MARCHF8: variants seen among roughly 807,000 people sequenced by gnomAD.
MARCHF8 encodes the protein membrane associated ring-CH-type finger 8, also known as E3 ubiquitin-protein ligase MARCHF8.
In MARCHF8, 40 loss-of-function variants were observed where a neutral mutation model predicts 51.6. The observed-to-expected ratio is 0.77, with a 90% confidence interval of 0.60 to 1.01. The LOEUF is 1.01. MARCHF8 is among the 50% of genes least tolerant of loss of function. MARCHF8 has a pLI of 0.00. For synonymous variants in MARCHF8, 263 were observed against 280.3 expected, an observed-to-expected ratio of 0.94 and a Z score of 0.62; for missense variants, 685 against 708.6, an observed-to-expected ratio of 0.97 and a Z score of 0.38.
At chr10:45,464,749 T>C (rs758453391) in intron 3 of MARCHF8, among the ~76,000 whole-genome samples, 1 of 152,128 alleles carries the variant, frequency 6.6e-6, no homozygotes, top group African/African-American at 2.4e-5. Flanking sequence ...GGCTGGTAGA[T>C]TTAAGAGCTC....
In MARCHF8 at chr10:45,542,345, CAAAAAAAA is replaced by C. The variant is rs60776762; in HGVS notation, c.-78-9064_-78-9057del. On this transcript the variant is annotated intron_variant, in intron 1 of 6. Transcript: ENST00000319836. ...CTGGTGACAGAGCAGGACTTCGTCT[CAAAAAAAA>C]AAAAAAAAAAAAAAAAAAGACTTGA... Among the ~76,000 whole-genome samples the C allele has an allele frequency of 8.8e-3, 432 of 48,998 alleles. 3 individuals carry two copies. The highest frequency in any genetic ancestry group is 0.029 in the African/African-American group (398 of 13,874). The allele number at this position is 48,998 out of a possible 152,430, so 32.1% of individuals were successfully genotyped here.
intron 5 of MARCHF8, among the ~76,000 whole-genome samples, chr10:45,462,701 C>T (rs1382391089): frequency 6.6e-6 from 1 of 151,764 alleles, no homozygotes; most frequent in African/African-American, 2.4e-5. Context: ...TCTTGGCTCA[C>T]TGCAACCTCC....
At chr10:45,501,331 C>A (rs1292458414) in intron 2 of MARCHF8, among the ~76,000 whole-genome samples, 3 of 152,054 alleles carry the variant, frequency 2.0e-5, no homozygotes, top group Non-Finnish European at 4.4e-5. Flanking sequence ...AAGAACCAGA[C>A]ATAACCATCA....
At chr10:45,471,168 A>T (rs933740967) in intron 3 of MARCHF8, among the ~76,000 whole-genome samples, 2 of 152,270 alleles carry the variant, frequency 1.3e-5, no homozygotes, top group Non-Finnish European at 2.9e-5. Flanking sequence ...GACTCTCATT[A>T]GCATTGCTTA....
chr10:45,550,868 G>T (rs1374161348), intron 1 of MARCHF8, among the ~76,000 whole-genome samples: 1 of 152,144 alleles, frequency 6.6e-6, no homozygotes, highest in Non-Finnish European at 1.5e-5. Flanking sequence ...TTTACAGGTG[G>T]ACATTAGTCA....
At chr10:45,476,364 G>A (rs189039703) in intron 3 of MARCHF8, among the ~76,000 whole-genome samples, 6 of 152,286 alleles carry the variant, frequency 3.9e-5, no homozygotes, top group African/African-American at 1.4e-4. Context: ...AGGAGTTCGA[G>A]ACCAGTCTGA....
intron 2 of MARCHF8, among the ~76,000 whole-genome samples, chr10:45,515,314 CT>C (rs1438326931): frequency 6.6e-6 from 1 of 152,136 alleles, no homozygotes; most frequent in Non-Finnish European, 1.5e-5. Flanking sequence ...CATAGCCGTC[CT>C]TTTTTCTCAC....
chr10:45,570,995 G>T (rs1453205292), intron 1 of MARCHF8, among the ~76,000 whole-genome samples: 2 of 152,172 alleles, frequency 1.3e-5, no homozygotes, highest in Non-Finnish European at 2.9e-5. Context: ...TCAAGATGTT[G>T]ATTCTGCCCA....
At chr10:45,584,078 A>G in intron 1 of MARCHF8, among the ~76,000 whole-genome samples, 1 of 143,012 alleles carries the variant, frequency 7.0e-6, no homozygotes, top group Non-Finnish European at 1.5e-5. Flanking sequence ...TAAAACAGGG[A>G]AGATGCACAT....
At chr10:45,509,699 G>A (rs2043457820) in intron 2 of MARCHF8, among the ~76,000 whole-genome samples, 1 of 152,210 alleles carries the variant, frequency 6.6e-6, no homozygotes, top group African/African-American at 2.4e-5. Context: ...CTGGCTTACA[G>A]AGTTCCCAGC....
intron 1 of MARCHF8, among the ~76,000 whole-genome samples, chr10:45,587,616 T>C (rs1182788503): frequency 6.6e-6 from 1 of 152,130 alleles, no homozygotes; most frequent in African/African-American, 2.4e-5. Flanking sequence ...AAAGGACCTA[T>C]AATACCCAGA....
chr10:45,499,184 C>T (rs975883727), intron 2 of MARCHF8, among the ~76,000 whole-genome samples: 3 of 152,148 alleles, frequency 2.0e-5, no homozygotes, highest in Non-Finnish European at 4.4e-5. Context: ...TTTTGATTTG[C>T]GTTTCCCTAA....
intron 2 of MARCHF8, among the ~76,000 whole-genome samples, chr10:45,511,460 C>T (rs971364564): frequency 1.3e-5 from 2 of 152,298 alleles, no homozygotes; most frequent in East Asian, 3.9e-4. Context: ...GATGCCGAGC[C>T]GAAGCTGGAC....
intron 1 of MARCHF8, among the ~76,000 whole-genome samples, chr10:45,557,942 A>C (rs2044270523): frequency 6.6e-6 from 1 of 152,220 alleles, no homozygotes; most frequent in African/African-American, 2.4e-5. Flanking sequence ...GCCTGCAAAA[A>C]AAATGACTTA....
intron 2 of MARCHF8, among the ~76,000 whole-genome samples, chr10:45,524,101 A>C (rs1453990968): frequency 6.6e-6 from 1 of 152,250 alleles, no homozygotes; most frequent in East Asian, 1.9e-4. Context: ...AAATCTATAT[A>C]TGCAAAAGAA....
At chr10:45,566,969 T>C (rs1157362086) in intron 1 of MARCHF8, among the ~76,000 whole-genome samples, 1 of 152,194 alleles carries the variant, frequency 6.6e-6, no homozygotes, top group Non-Finnish European at 1.5e-5. Flanking sequence ...CTTTTGGATA[T>C]GACATATTAA....
At position 45,523,125 on chromosome 10, in the gene MARCHF8, G is replaced by A. The variant is rs188667140; in HGVS notation, c.102+9985C>T. ...TTATCTTTGGTGCTGTTTTATTCAT[G>A]TGTAAAATAAGGAAGTCATCTCAAT... On this transcript the variant is annotated intron_variant, in intron 2 of 7. Coordinates refer to ENST00000453424, the MANE Select transcript of MARCHF8 (RefSeq NM_001282866.2). Among the ~76,000 whole-genome samples, 44 of 152,322 alleles carry A rather than the reference G, an allele frequency of 2.9e-4. No homozygotes were observed. In the East Asian group the frequency reaches 8.3e-3, roughly 29 times the overall value.
intron 3 of MARCHF8, among the ~76,000 whole-genome samples, chr10:45,471,008 GA>G (rs1331524183): frequency 2.0e-5 from 3 of 152,164 alleles, no homozygotes; most frequent in African/African-American, 7.2e-5. Flanking sequence ...AATACATGTT[GA>G]CTCTTATGAA....
rs1367988810 is a variant in MARCHF8 at position 45,533,221 on chromosome 10, T to G, written c.-10A>C. On this transcript the variant is annotated 5_prime_UTR_variant, in exon 2 of 8. Transcript: ENST00000453424. ...GCAGTGGCATGCTCATCCCAACCTCTTATCTGGTCGTCTTCTTCACAGAAG... is the reference window on the plus strand; with the variant it reads ...GCAGTGGCATGCTCATCCCAACCTCGTATCTGGTCGTCTTCTTCACAGAAG... 9 of 1,599,196 alleles carry G rather than the reference T, an allele frequency of 5.6e-6. No homozygotes were observed. The Admixed American group carries it at 1.1e-4, about 19-fold the overall frequency.
Sources: gnomAD v4.1 joint callset for allele counts (sites outside exome capture counted in the v4.1 genomes callset) on GRCh38, gnomAD v4.1.1 for gene constraint, MANE v1.5 for transcripts, NCBI Gene and HGNC (gene_info 2026-07-23, HGNC 2026-07-21) for gene names.